The following TATDN3 variants were observed in gnomAD, a reference collection of about 807,000 sequenced individuals.
The protein encoded by TATDN3 is deoxyribonuclease TATDN3.
Under a neutral mutation model 40.1 loss-of-function variants are expected in TATDN3, and 29 were observed. That is an observed-to-expected ratio of 0.72 (90% CI 0.54 to 0.99). TATDN3 has a LOEUF of 0.99. Among genes scored for constraint, TATDN3 ranks in the 50% least tolerant of loss-of-function variants. TATDN3 has a pLI of 0.00. For missense variants in TATDN3, 309 were observed against 321.9 expected (o/e 0.96, Z 0.31); for synonymous variants, 105 against 117.0 (o/e 0.90, Z 0.66).
At chr1:212,804,803 G>C (rs1662362310) in intron 7 of TATDN3, 152 bp downstream of exon 7, 1 of 659,516 alleles carries the variant, frequency 1.5e-6, no homozygotes, top group Non-Finnish European at 2.6e-6. Flanking sequence ...TTGCAGGTCA[G>C]GCTATTGTTT....
chr1:212,807,739 C>G lies in TATDN3; in HGVS notation c.491C>G (p.Ala164Gly), dbSNP rs1332794782. 2 of 1,608,240 alleles carry G rather than the reference C, an allele frequency of 1.2e-6. No homozygotes were observed. Among genetic ancestry groups the G allele is most frequent in the Admixed American group, 1.7e-5 (1 of 58,498 alleles). ...PTINLLQEQG[A>G]EKVLLHAFDG... ...CCTTATCTTTCATTTTTGAAAGGTG[C>G]TGAGAAGGTACTGCTGCATGCATTT... The change falls in exon 8 of 10, where the codon GCT becomes GGT. Residue 164 changes from alanine (A) to glycine (G), a missense_variant. Ala to Gly is a moderately conservative substitution (Grantham distance 60). Coordinates refer to ENST00000366974, the MANE Select transcript of TATDN3 (RefSeq NM_001042552.3).
chr1:212,795,707 C>G (rs1661712977), intron 2 of TATDN3, among the ~76,000 whole-genome samples: 1 of 152,160 alleles, frequency 6.6e-6, no homozygotes, highest in Non-Finnish European at 1.5e-5. Context: ...GGCACTGCTC[C>G]CAGCCTAAGT....
At chr1:212,814,130 A>G (rs1180064265) in intron 9 of TATDN3, among the ~76,000 whole-genome samples, 1 of 152,080 alleles carries the variant, frequency 6.6e-6, no homozygotes, top group Non-Finnish European at 1.5e-5. Context: ...GAACCTCTGT[A>G]TATATTAATA....
intron 7 of TATDN3, among the ~76,000 whole-genome samples, chr1:212,806,765 T>TATAC (rs1553257515): frequency 1.7e-5 from 2 of 114,288 alleles, no homozygotes; most frequent in Non-Finnish European, 3.6e-5. Context: ...TATATATATA[T>TATAC]ATATATATAT....
rs1352945370 is a variant in TATDN3, at chr1:212,806,769, T to TAC, written c.488-966_488-965insCA. ...CTCCATATATATATATATATATATA[T>TAC]ATATATATATATATACACACACACA... On this transcript the variant is annotated intron_variant, in intron 7 of 9. Coordinates refer to ENST00000366974, the MANE Select transcript of TATDN3 (RefSeq NM_001042552.3). Among the ~76,000 whole-genome samples, 25 of 116,416 alleles carry TAC rather than the reference T, an allele frequency of 2.1e-4. 5 individuals are homozygous for TAC. The highest frequency in any genetic ancestry group is 3.5e-4 in the Non-Finnish European group (20 of 56,360). The allele number at this position is 116,416 out of a possible 152,430, so 76.4% of individuals were successfully genotyped here. A position where few individuals can be genotyped will look rare whatever the true frequency, so the allele number is the denominator to read the frequency against.
intron 3 of TATDN3, 88 bp from the exon 4 acceptor site, chr1:212,797,024 C>T (rs1229709683): frequency 9.9e-7 from 1 of 1,005,966 alleles, no homozygotes; most frequent in Non-Finnish European, 1.5e-6. Flanking sequence ...ACATAAGCCA[C>T]CATGCCCGAC....
At chr1:212,805,830 GTTTAT>G (rs920389424) in intron 7 of TATDN3, among the ~76,000 whole-genome samples, 19 of 152,274 alleles carry the variant, frequency 1.2e-4, no homozygotes, top group Admixed American at 1.2e-3. Flanking sequence ...AAGAAATATA[GTTTAT>G]TTTGAGACTC....
At position 212,815,237 on chromosome 1, in the gene TATDN3, G is replaced by C; in HGVS notation, c.*81G>C. 1.4e-6 allele frequency: 2 copies of C among 1,466,460 alleles called. No individual in the cohort carries two copies. The highest frequency in any genetic ancestry group is 1.8e-6 in the Non-Finnish European group (2 of 1,096,404). 90.8% of individuals were successfully genotyped at this position (1,466,460 alleles called of 1,614,324 possible). ...ATAGAAATGTTCTGATGAAGAATCTGAACTGAAGAAGCTGTTTTATAGGGT... is the reference window on the plus strand; with the variant it reads ...ATAGAAATGTTCTGATGAAGAATCTCAACTGAAGAAGCTGTTTTATAGGGT... On this transcript the variant is annotated 3_prime_UTR_variant, in exon 10 of 10. Transcript: ENST00000366974.
chr1:212,809,464 C>A (rs1662728134), intron 8 of TATDN3, among the ~76,000 whole-genome samples: 1 of 152,102 alleles, frequency 6.6e-6, no homozygotes, highest in Non-Finnish European at 1.5e-5. Context: ...GCGGGCAGAT[C>A]ACGAGGTCAG....
intron 7 of TATDN3, among the ~76,000 whole-genome samples, chr1:212,806,684 A>G (rs896254986): frequency 8.4e-5 from 12 of 143,466 alleles, no homozygotes; most frequent in African/African-American, 2.8e-4. Flanking sequence ...CCTGGCCAAC[A>G]TTATTGAATA....
chr1:212,802,220 A>G (rs537907860), intron 4 of TATDN3, among the ~76,000 whole-genome samples: 1 of 152,380 alleles, frequency 6.6e-6, no homozygotes, highest in African/African-American at 2.4e-5. Flanking sequence ...AAGTAGTCAA[A>G]GCAGGGCTAT....
At chr1:212,804,240 A>T in intron 5 of TATDN3, 80 bp from the exon 6 acceptor site, 2 of 920,964 alleles carry the variant, frequency 2.2e-6, no homozygotes, top group Non-Finnish European at 3.3e-6. Flanking sequence ...ATATATTTCT[A>T]TTGGATAGCA....
At chr1:212,811,733 T>C (rs1662890944) in intron 8 of TATDN3, among the ~76,000 whole-genome samples, 1 of 150,992 alleles carries the variant, frequency 6.6e-6, no homozygotes, top group African/African-American at 2.4e-5. Flanking sequence ...GATGGAGTCT[T>C]GCTCTGCTGC....
intron 5 of TATDN3, among the ~76,000 whole-genome samples, chr1:212,803,212 C>G (rs911767359): frequency 1.4e-5 from 2 of 147,576 alleles, no homozygotes; most frequent in Admixed American, 6.9e-5. Context: ...GGCTGGAGTA[C>G]AGTGGTACAA....
chr1:212,812,517 G>A (rs1662946830), intron 9 of TATDN3, among the ~76,000 whole-genome samples, 189 bp downstream of exon 9: 1 of 152,118 alleles, frequency 6.6e-6, no homozygotes, highest in Non-Finnish European at 1.5e-5. Context: ...AATATTATTT[G>A]ATAATGAAGC....
chr1:212,796,539 C>A lies in TATDN3; in HGVS notation c.122C>A (p.Ala41Glu). The A allele has an allele frequency of 6.5e-7, 1 of 1,545,050 alleles. No homozygotes were observed. The highest frequency in any genetic ancestry group is 8.7e-7 in the Non-Finnish European group (1 of 1,149,864). Reference protein sequence around the residue: ...AKKANVVALVAVAEHSGEFEK... With the variant: ...AKKANVVALVEVAEHSGEFEK... Reference sequence around the variant, plus strand: ...CAGGCCAATGTTGTGGCCCTTGTGGCAGTTGCCGAACATTCAGGAGAATTT... The same window carrying A: ...CAGGCCAATGTTGTGGCCCTTGTGGAAGTTGCCGAACATTCAGGAGAATTT... The change falls in exon 3 of 10, where the codon GCA becomes GAA. Residue 41 changes from alanine to glutamate, a missense_variant. Transcript: ENST00000366974.
chr1:212,798,151 C>G (rs1661908302), intron 4 of TATDN3, among the ~76,000 whole-genome samples: 1 of 151,794 alleles, frequency 6.6e-6, no homozygotes. Context: ...ATGGTGAAAC[C>G]CTGTCTGTAC....
At position 212,815,045 on chromosome 1, in the gene TATDN3, A is replaced by T. The variant is rs762785820; in HGVS notation, c.714A>T (p.Ser238=). 1.4e-5 allele frequency: 22 copies of T among 1,613,882 alleles called. No homozygotes were observed. The highest frequency in any genetic ancestry group is 1.9e-5 in the Non-Finnish European group (22 of 1,179,968). The part of the protein sequence containing the change: ...VRNEPWNISI[S]AEYIAQVKGI... Reference sequence around the variant, plus strand: ...ATGAGCCCTGGAACATTTCTATTTCAGCAGAATATATTGCCCAGGTGAAAG... The same window carrying T: ...ATGAGCCCTGGAACATTTCTATTTCTGCAGAATATATTGCCCAGGTGAAAG... The change falls in exon 10 of 10, where the codon TCA becomes TCT. Residue 238 remains serine, a synonymous_variant. Coordinates refer to ENST00000366974, the MANE Select transcript of TATDN3 (RefSeq NM_001042552.3).
chr1:212,803,566 A>G (rs537028621), intron 5 of TATDN3, among the ~76,000 whole-genome samples: 30 of 152,252 alleles, frequency 2.0e-4, no homozygotes, highest in Non-Finnish European at 3.7e-4. Context: ...TAAATTCAGA[A>G]TATAGATTAT....
Sources: allele counts gnomAD v4.1 joint callset (sites outside exome capture counted in the v4.1 genomes callset), GRCh38; gene constraint gnomAD v4.1.1; transcripts MANE v1.5; gene names NCBI Gene and HGNC (gene_info 2026-07-23, HGNC 2026-07-21).